PSIP1: variants seen among roughly 807,000 people sequenced by gnomAD.
PSIP1 encodes PC4 and SFRS1-interacting protein.
A neutral mutation model predicts 74.7 loss-of-function variants in PSIP1; 19 were observed. That is an observed-to-expected ratio of 0.25 (90% CI 0.18 to 0.37). PSIP1 has a LOEUF of 0.37. Ranked by LOEUF, PSIP1 falls within the 10% of genes least tolerant of loss-of-function variation. The probability of loss-of-function intolerance (pLI) is 1.00; values close to 1 mark genes in which losing one functional copy is unlikely to be tolerated. For synonymous variants in PSIP1, 222 were observed against 195.3 expected, an observed-to-expected ratio of 1.14 and a Z score of -1.14; for missense variants, 601 against 614.3, an observed-to-expected ratio of 0.98 and a Z score of 0.23.
intron 3 of PSIP1, among the ~76,000 whole-genome samples, chr9:15,494,943 T>C (rs1034864074): frequency 2.6e-5 from 4 of 152,172 alleles, no homozygotes; most frequent in Non-Finnish European, 5.9e-5. Flanking sequence ...CATGAAAACG[T>C]ATTTCTGGTC....
At chr9:15,499,843 T>C (rs200287892) in intron 3 of PSIP1, among the ~76,000 whole-genome samples, 1 of 144,062 alleles carries the variant, frequency 6.9e-6, no homozygotes, top group African/African-American at 2.6e-5. Context: ...CACTGCACTC[T>C]AGCCTGGACC....
chr9:15,495,220 A>G (rs999291595), intron 3 of PSIP1, among the ~76,000 whole-genome samples: 2 of 152,114 alleles, frequency 1.3e-5, no homozygotes, highest in East Asian at 3.9e-4. Context: ...TAAAACCTCA[A>G]ATATTTATTT....
intron 3 of PSIP1, among the ~76,000 whole-genome samples, chr9:15,499,701 C>T (rs929846362): frequency 6.6e-6 from 1 of 152,068 alleles, no homozygotes; most frequent in African/African-American, 2.4e-5. Flanking sequence ...TGGTGAAACC[C>T]CATTTCTACT....
chr9:15,466,952 G>A (rs1255910648), intron 14 of PSIP1, 93 bp from the exon 15 acceptor site: 10 of 885,498 alleles, frequency 1.1e-5, no homozygotes, highest in African/African-American at 1.7e-5. Context: ...AATACAACAT[G>A]GCCATCGTGT....
rs2035965943 is a variant in PSIP1 at position 15,473,999 on chromosome 9, A to G, written c.858+10T>C. On this transcript the variant is annotated intron_variant, in intron 9 of 15. Transcript: ENST00000380733. ...ATAGAACAGCCATTTTATATATGTA[A>G]ACTTTATACCTTTTCACCTTCTTGA... 1 of 1,597,786 alleles carries G rather than the reference A, an allele frequency of 6.3e-7. No homozygotes were observed. Among genetic ancestry groups the G allele is most frequent in the South Asian group, 1.1e-5 (1 of 88,852 alleles).
intron 6 of PSIP1, among the ~76,000 whole-genome samples, chr9:15,483,845 T>C (rs1243246049): frequency 6.6e-6 from 1 of 152,060 alleles, no homozygotes; most frequent in Non-Finnish European, 1.5e-5. Flanking sequence ...TACAAAAAAT[T>C]AGCTGGGTAT....
chr9:15,480,319 G>C (rs919765665), intron 6 of PSIP1, among the ~76,000 whole-genome samples: 1 of 152,216 alleles, frequency 6.6e-6, no homozygotes, highest in Non-Finnish European at 1.5e-5. Context: ...AAGGAGGAAA[G>C]AGAAAGACCA....
chr9:15,473,905 A>C (rs2035951065), intron 9 of PSIP1, 104 bp downstream of exon 9: 3 of 741,038 alleles, frequency 4.0e-6, no homozygotes, highest in Non-Finnish European at 5.6e-6. Context: ...CATCTCAAAC[A>C]AAAAAAAAAC....
chr9:15,465,592 G>C lies in PSIP1; in HGVS notation c.1533-12C>G. The C allele has an allele frequency of 6.4e-7, 1 of 1,561,732 alleles. No homozygotes were observed. The highest frequency in any genetic ancestry group is 2.3e-5 in the East Asian group (1 of 44,310). On this transcript the variant is annotated splice_polypyrimidine_tract_variant and intron_variant, in intron 15 of 15. Transcript: ENST00000380733. ...CTTCACTGGATGGCCTGAAGAAAAG[G>C]GGGAAAGGTACAACTGGAATTAGGA...
chr9:15,488,928 G>A lies in PSIP1; in HGVS notation c.288+1058C>T, dbSNP rs538148634. ...CCCAGCTACTCGGAAGGCTGAGGCA[G>A]GAGAATGGTGTGAACCCGGGAGGCG... is the stretch of plus-strand genomic sequence containing the variant. On this transcript the variant is annotated intron_variant, in intron 4 of 15. Coordinates refer to ENST00000380733, the MANE Select transcript of PSIP1 (RefSeq NM_033222.5). Among the ~76,000 whole-genome samples the A allele has an allele frequency of 6.6e-5, 10 of 152,284 alleles. No individual in the cohort carries two copies. In the South Asian group the frequency reaches 1.7e-3, roughly 25 times the overall value.
chr9:15,501,028 T>C (rs1252776189), intron 3 of PSIP1, among the ~76,000 whole-genome samples: 1 of 152,188 alleles, frequency 6.6e-6, no homozygotes, highest in Non-Finnish European at 1.5e-5. Flanking sequence ...CAAGCATTGT[T>C]CTAAGCATTA....
intron 15 of PSIP1, 113 bp from the exon 16 acceptor site, chr9:15,465,693 CAAACA>C: frequency 4.9e-6 from 4 of 822,844 alleles, no homozygotes. Flanking sequence ...TGAAACCAAC[CAAACA>C]AAAGAAAAAC....
intron 3 of PSIP1, among the ~76,000 whole-genome samples, chr9:15,495,353 T>C (rs1279984427): frequency 6.6e-6 from 1 of 152,150 alleles, no homozygotes; most frequent in Non-Finnish European, 1.5e-5. Flanking sequence ...AAGCAGTTCT[T>C]AAAAAGGACC....
chr9:15,468,236 A>ATGAGGCTG (rs2035713228), intron 14 of PSIP1: 5 of 420,192 alleles, frequency 1.2e-5, no homozygotes, highest in Non-Finnish European at 2.3e-5. Context: ...GTCTCCACCT[A>ATGAGGCTG]TGAGGCTGTG....
In PSIP1 at chr9:15,473,946, AAAC is replaced by A; in HGVS notation, c.858+60_858+62del. 5.8e-6 allele frequency: 7 copies of A among 1,201,440 alleles called. No individual in the cohort carries two copies. The South Asian group carries it at 8.1e-5, about 14-fold the overall frequency. 74.4% of individuals were successfully genotyped at this position (1,201,440 alleles called of 1,614,324 possible). A position where few individuals can be genotyped will look rare whatever the true frequency, so the allele number is the denominator to read the frequency against. On this transcript the variant is annotated intron_variant, in intron 9 of 15. Coordinates refer to ENST00000380733, the MANE Select transcript of PSIP1 (RefSeq NM_033222.5). ...AAAAAACAAAAAAAAAACAAAGAAA[AAAC>A]AAAAAATATATATATAAACTAAGAA...
rs567322826 is a variant in PSIP1, at chr9:15,472,230, T to C, written c.977+402A>G. 1.0e-5 allele frequency: 10 copies of C among 990,470 alleles called. No individual in the cohort carries two copies. In the South Asian group the frequency reaches 3.7e-4, roughly 37 times the overall value. 61.4% of individuals were successfully genotyped at this position (990,470 alleles called of 1,614,324 possible). A position where few individuals can be genotyped will look rare whatever the true frequency, so the allele number is the denominator to read the frequency against. ...TGCTTTTGTTACTTTTGCTGGTCTT[T>C]AGGGTGAGGCCTGCTTGGTGGTGTG... On this transcript the variant is annotated intron_variant, in intron 10 of 15. Transcript: ENST00000380733.
intron 3 of PSIP1, chr9:15,505,873 G>A (rs1421060537): frequency 1.3e-5 from 2 of 152,022 alleles, no homozygotes; most frequent in African/African-American, 2.4e-5. Context: ...CCTCATCCCA[G>A]GTAAACAAGA....
At chr9:15,470,934 T>TAAAAAAAAAAA (rs58019501) in intron 10 of PSIP1, 3 of 650,858 alleles carry the variant, frequency 4.6e-6, no homozygotes, top group African/African-American at 2.5e-5. Flanking sequence ...TAAGCTTGGT[T>TAAAAAAAAAAA]AAAAAAAAAA....
Position 15,468,856 on chromosome 9 carries a change from T to C in PSIP1, c.1207-13A>G. ...TGAATCGCCGTATCTGAGAAAACAATATACATTCATCATAATTGTTTTCCT... is the reference window on the plus strand; with the variant it reads ...TGAATCGCCGTATCTGAGAAAACAACATACATTCATCATAATTGTTTTCCT... On this transcript the variant is annotated splice_polypyrimidine_tract_variant and intron_variant, in intron 13 of 15. Transcript: ENST00000380733. 1 of 1,609,854 alleles carries C rather than the reference T, an allele frequency of 6.2e-7. No homozygotes were observed. The highest frequency in any genetic ancestry group is 8.5e-7 in the Non-Finnish European group (1 of 1,176,530).
Sources: allele counts gnomAD v4.1 joint callset (sites outside exome capture counted in the v4.1 genomes callset), GRCh38; gene constraint gnomAD v4.1.1; transcripts MANE v1.5; gene names NCBI Gene and HGNC (gene_info 2026-07-23, HGNC 2026-07-21).